Variants in LMTK2 observed in about 807,000 individuals in gnomAD.
LMTK2 encodes the protein serine/threonine-protein kinase LMTK2.
LMTK2 carries 37 observed loss-of-function variants against 127.5 expected under a neutral mutation model. That is an observed-to-expected ratio of 0.29 (90% CI 0.22 to 0.38). The LOEUF (loss-of-function observed/expected upper bound fraction) is 0.38, where lower values mean the gene tolerates loss of function less well. Ranked by LOEUF, LMTK2 falls within the 10% of genes least tolerant of loss-of-function variation. LMTK2 has a pLI of 1.00. For synonymous variants in LMTK2, 819 were observed against 810.1 expected (o/e 1.01, Z -0.19); for missense variants, 1,694 against 1,920.3 (o/e 0.88, Z 2.20).
chr7:98,205,560 C>A lies in LMTK2; in HGVS notation c.*68C>A. 1 of 1,533,670 alleles carries A rather than the reference C, an allele frequency of 6.5e-7. No individual in the cohort carries two copies. Among genetic ancestry groups the A allele is most frequent in the Non-Finnish European group, 8.9e-7 (1 of 1,117,958 alleles). ...GGAGCGGCGCCCCTGCGCCCTCAGC[C>A]CGAGCAGCGACATCCACTCGCCATT... On this transcript the variant is annotated 3_prime_UTR_variant, in exon 14 of 14. Transcript: ENST00000297293.
At chr7:98,190,569 G>A (rs1376864122) in intron 9 of LMTK2, among the ~76,000 whole-genome samples, 159 bp from the exon 10 acceptor site, 1 of 152,094 alleles carries the variant, frequency 6.6e-6, no homozygotes, top group Non-Finnish European at 1.5e-5. Flanking sequence ...GCGACAGTGA[G>A]ACTCTGTCTT....
At position 98,171,775 on chromosome 7, in the gene LMTK2, G is replaced by GA; in HGVS notation, c.791+103dup. The GA allele has an allele frequency of 7.6e-7, 1 of 1,310,170 alleles. No individual in the cohort carries two copies. The highest frequency in any genetic ancestry group is 1.0e-6 in the Non-Finnish European group (1 of 986,408). The allele number at this position is 1,310,170 out of a possible 1,614,324, so 81.2% of individuals were successfully genotyped here. On this transcript the variant is annotated intron_variant, in intron 7 of 13. Coordinates refer to ENST00000297293, the MANE Select transcript of LMTK2 (RefSeq NM_014916.4). The surrounding 1 kb of genome is among the most constrained non-coding windows in gnomAD (Gnocchi z 5.1). The stretch of plus-strand genomic sequence containing the variant: ...AACTTAAGGAGGACAGGAGGTGGCA[G>GA]AATGAACCCAGCTCATGTAGGTAGA...
Position 98,192,831 on chromosome 7 carries a change from C to T in LMTK2, c.2366C>T (p.Thr789Ile). The part of the protein sequence containing the change: ...GLSLLQENVS[T>I]KGDDTDVMLT... ...TCTTTGTTGCAGGAAAACGTAAGCA[C>T]AAAGGGTGACGATACAGATGTCATG... The change falls in exon 11 of 14, where the codon ACA becomes ATA. Residue 789 changes from threonine to isoleucine, a missense_variant. Transcript: ENST00000297293. 2 of 1,613,884 alleles carry T rather than the reference C, an allele frequency of 1.2e-6. No individual in the cohort carries two copies. The highest frequency in any genetic ancestry group is 1.1e-5 in the South Asian group (1 of 91,050).
At chr7:98,179,629 T>G (rs868046023) in intron 7 of LMTK2, among the ~76,000 whole-genome samples, 1 of 109,370 alleles carries the variant, frequency 9.1e-6, no homozygotes, top group African/African-American at 3.5e-5. Flanking sequence ...CTCCCTCCCT[T>G]TCTCCCTCCC....
At chr7:98,175,870 G>A (rs1158049961) in intron 7 of LMTK2, among the ~76,000 whole-genome samples, 1 of 152,200 alleles carries the variant, frequency 6.6e-6, no homozygotes, top group African/African-American at 2.4e-5. Context: ...GGTCCAGAGG[G>A]TTTCATGGGT....
intron 1 of LMTK2, among the ~76,000 whole-genome samples, chr7:98,107,944 G>C (rs1933798048): frequency 6.6e-6 from 1 of 150,828 alleles, no homozygotes; most frequent in Non-Finnish European, 1.5e-5. Context: ...CTCCCCCCCC[G>C]CCCATTTTCT....
chr7:98,176,926 C>G (rs1797286868), intron 7 of LMTK2, among the ~76,000 whole-genome samples: 1 of 152,200 alleles, frequency 6.6e-6, no homozygotes, highest in Non-Finnish European at 1.5e-5. Context: ...GCTGGTTTTC[C>G]CGTCTGTGTT....
chr7:98,161,029 G>A (rs1248682816), intron 6 of LMTK2, among the ~76,000 whole-genome samples: 1 of 152,050 alleles, frequency 6.6e-6, no homozygotes, highest in African/African-American at 2.4e-5. Flanking sequence ...TCTTGCAATC[G>A]TGGTCACTTA....
At chr7:98,114,756 A>C (rs909481399) in intron 1 of LMTK2, among the ~76,000 whole-genome samples, 1 of 152,170 alleles carries the variant, frequency 6.6e-6, no homozygotes, top group Non-Finnish European at 1.5e-5. Flanking sequence ...ATCGCTTGCA[A>C]AATATTCCAT....
chr7:98,135,922 A>C (rs1379016136), intron 1 of LMTK2, among the ~76,000 whole-genome samples: 1 of 151,636 alleles, frequency 6.6e-6, no homozygotes, highest in Non-Finnish European at 1.5e-5. Flanking sequence ...CTGGAGAGTC[A>C]GGGGAGGCCC....
rs779788731 is a variant in LMTK2, at chr7:98,191,725, C to T, written c.1260C>T (p.Val420=). ...TGCAGAGCCAGCGGGACTCAGAGGT[C>T]GACTTTGAACAGCAGTGGAACGCTC... ...LRLQSQRDSE[V]DFEQQWNALK... is the part of the protein sequence containing the mutation. The change falls in exon 11 of 14, where the codon GTC becomes GTT. Residue 420 remains valine, a synonymous_variant. Coordinates refer to ENST00000297293, the MANE Select transcript of LMTK2 (RefSeq NM_014916.4). 1.5e-5 allele frequency: 24 copies of T among 1,614,002 alleles called. No individual in the cohort carries two copies. The Admixed American group carries it at 2.0e-4, about 13-fold the overall frequency.
At chr7:98,161,682 A>G (rs1357900928) in intron 6 of LMTK2, among the ~76,000 whole-genome samples, 1 of 152,118 alleles carries the variant, frequency 6.6e-6, no homozygotes, top group Non-Finnish European at 1.5e-5. Flanking sequence ...GGTTATTGTG[A>G]TATAAAAATA....
chr7:98,114,104 A>G (rs1455540809), intron 1 of LMTK2, among the ~76,000 whole-genome samples: 6 of 151,960 alleles, frequency 3.9e-5, no homozygotes, highest in Admixed American at 3.3e-4. Context: ...TCCTTCCCCA[A>G]CCACAAAAGA....
chr7:98,108,435 A>T (rs530517734), intron 1 of LMTK2, among the ~76,000 whole-genome samples: 1 of 152,326 alleles, frequency 6.6e-6, no homozygotes, highest in East Asian at 1.9e-4. Flanking sequence ...GCTACATGTA[A>T]TTGCTTCCAG....
At position 98,192,988 on chromosome 7, in the gene LMTK2, G is replaced by C; in HGVS notation, c.2523G>C (p.Gln841His). 6.2e-7 allele frequency: 1 copy of C among 1,614,068 alleles called. No individual in the cohort carries two copies. Among genetic ancestry groups the C allele is most frequent in the Non-Finnish European group, 8.5e-7 (1 of 1,180,018 alleles). ...CACTCCCAACACAGGGAGAAACCCAGCCCACGTGTTTAGATGTTATTGTCC... is the reference window on the plus strand; with the variant it reads ...CACTCCCAACACAGGGAGAAACCCACCCCACGTGTTTAGATGTTATTGTCC... ...PDSLPTQGET[Q>H]PTCLDVIVPE... The change falls in exon 11 of 14, where the codon CAG (glutamine) becomes CAC (histidine). Residue 841 changes from glutamine to histidine, a missense_variant. Around this residue, in one of 8 missense-constraint regions of LMTK2, gnomAD observed 527 missense variants for 539.8 expected, o/e 0.98. Transcript: ENST00000297293.
At chr7:98,158,369 C>T (rs774842748) in intron 5 of LMTK2, among the ~76,000 whole-genome samples, 21 of 152,186 alleles carry the variant, frequency 1.4e-4, no homozygotes, top group Non-Finnish European at 1.0e-4. Flanking sequence ...CCACCTCCTG[C>T]GCTCACGCAA....
intron 1 of LMTK2, among the ~76,000 whole-genome samples, chr7:98,127,974 C>T (rs1796467809): frequency 6.6e-6 from 1 of 152,142 alleles, no homozygotes; most frequent in Non-Finnish European, 1.5e-5. Context: ...GAAACCCCGT[C>T]TCTACTAAAA....
chr7:98,144,137 T>C (rs1796735858), intron 3 of LMTK2, among the ~76,000 whole-genome samples: 1 of 152,040 alleles, frequency 6.6e-6, no homozygotes, highest in Non-Finnish European at 1.5e-5. Context: ...TTACAAAAAA[T>C]ATATATGTTT....
chr7:98,180,016 G>A (rs1057395135), intron 7 of LMTK2, among the ~76,000 whole-genome samples: 7 of 152,210 alleles, frequency 4.6e-5, no homozygotes, highest in Non-Finnish European at 7.3e-5. Flanking sequence ...GTCCATATTT[G>A]TTAATGAGGA....
Sources: gnomAD v4.1 joint callset for allele counts (sites outside exome capture counted in the v4.1 genomes callset) on GRCh38, gnomAD v4.1.1 for gene constraint, gnomAD v4.1.1 regional missense constraint, Gnocchi (gnomAD v3.1) non-coding constraint, MANE v1.5 for transcripts, NCBI Gene and HGNC (gene_info 2026-07-23, HGNC 2026-07-21) for gene names.